EFR3A: variants seen among roughly 807,000 people sequenced by gnomAD.
The protein encoded by EFR3A is EFR3 homolog A, also known as protein EFR3 homolog A.
Under a neutral mutation model 104.4 loss-of-function variants are expected in EFR3A, and 76 were observed. That is an observed-to-expected ratio of 0.73 (90% CI 0.60 to 0.88). The LOEUF is 0.88. Ranked by LOEUF, EFR3A falls within the 40% of genes least tolerant of loss-of-function variation. The probability of loss-of-function intolerance (pLI) is 0.00; values close to 1 mark genes in which losing one functional copy is unlikely to be tolerated. For synonymous variants in EFR3A, 330 were observed against 330.0 expected (o/e 1.00, Z 0.00); for missense variants, 985 against 1,012.5 (o/e 0.97, Z 0.37).
chr8:131,997,463 A>G (rs575023040), intron 19 of EFR3A, among the ~76,000 whole-genome samples: 38 of 152,194 alleles, frequency 2.5e-4, no homozygotes, highest in Non-Finnish European at 4.7e-4. Flanking sequence ...ATGCCATTCA[A>G]CTTCCCATTA....
In EFR3A at chr8:131,984,064, A is replaced by G. The variant is rs188988690; in HGVS notation, c.1576-75A>G. 60 of 1,331,328 alleles carry G rather than the reference A, an allele frequency of 4.5e-5. 1 individual carries two copies. The Middle Eastern group carries it at 5.6e-4, about 12-fold the overall frequency. 82.5% of individuals were successfully genotyped at this position (1,331,328 alleles called of 1,614,324 possible). On this transcript the variant is annotated intron_variant, in intron 14 of 22. Coordinates refer to ENST00000254624, the MANE Select transcript of EFR3A (RefSeq NM_015137.6). ...ATATAATAACATAGCTACACTGTAAAAGTATATGCATGTGAAATCTGCCTT... is the reference window on the plus strand; with the variant it reads ...ATATAATAACATAGCTACACTGTAAGAGTATATGCATGTGAAATCTGCCTT...
intron 2 of EFR3A, among the ~76,000 whole-genome samples, chr8:131,942,764 C>G (rs1438265647): frequency 6.6e-6 from 1 of 151,936 alleles, no homozygotes; most frequent in Non-Finnish European, 1.5e-5. Context: ...GGGTGCAACA[C>G]AGTATTGGAG....
intron 1 of EFR3A, among the ~76,000 whole-genome samples, chr8:131,935,080 A>C (rs1431853373): frequency 6.6e-6 from 1 of 152,128 alleles, no homozygotes; most frequent in Admixed American, 6.5e-5. Context: ...GTCTCTTTTC[A>C]CCTTGATTAC....
At chr8:131,906,931 T>A (rs1420124042) in intron 1 of EFR3A, among the ~76,000 whole-genome samples, 1 of 152,254 alleles carries the variant, frequency 6.6e-6, no homozygotes. Flanking sequence ...TTTCAAACTC[T>A]GAATCGGAGT....
chr8:131,978,979 A>G lies in EFR3A; in HGVS notation c.1459A>G (p.Met487Val), dbSNP rs1325650298. The change falls in exon 13 of 23, where the codon ATG (methionine) becomes GTG (valine). Residue 487 changes from methionine (M) to valine (V), a missense_variant. By Grantham distance (21) the Met-to-Val change is conservative. Transcript: ENST00000254624. ...QLVLEVMHNL[M>V]DRHDNRAKLR... The stretch of plus-strand genomic sequence containing the variant: ...GGTCTTGGAAGTAATGCATAATCTC[A>G]TGGATCGTCATGACAATAGGGCAAA... 7.5e-6 allele frequency: 12 copies of G among 1,606,186 alleles called. No homozygotes were observed. Among genetic ancestry groups the G allele is most frequent in the South Asian group, 1.1e-5 (1 of 90,688 alleles).
At chr8:132,008,674 G>A (rs148548436) in intron 22 of EFR3A, among the ~76,000 whole-genome samples, 3 of 151,788 alleles carry the variant, frequency 2.0e-5, no homozygotes, top group East Asian at 1.9e-4. Flanking sequence ...GCATGTGGAT[G>A]TATGTGTATG....
chr8:131,964,164 G>A (rs1426564895), intron 8 of EFR3A, among the ~76,000 whole-genome samples: 1 of 151,678 alleles, frequency 6.6e-6, no homozygotes, highest in African/African-American at 2.4e-5. Context: ...ACTGGCACAA[G>A]ACAGGGATGC....
chr8:131,979,811 G>A (rs1321147460), intron 14 of EFR3A, among the ~76,000 whole-genome samples: 1 of 152,000 alleles, frequency 6.6e-6, no homozygotes, highest in East Asian at 1.9e-4. Context: ...GTGAGTTTTT[G>A]CTGTCTTATT....
At chr8:131,934,094 CT>C (rs1251163380) in intron 1 of EFR3A, among the ~76,000 whole-genome samples, 1 of 152,068 alleles carries the variant, frequency 6.6e-6, no homozygotes, top group African/African-American at 2.4e-5. Flanking sequence ...GATTAAAATC[CT>C]TTTAAAAGGA....
intron 1 of EFR3A, among the ~76,000 whole-genome samples, chr8:131,906,447 G>C (rs1366020003): frequency 1.3e-5 from 2 of 152,180 alleles, no homozygotes; most frequent in Non-Finnish European, 2.9e-5. Flanking sequence ...AAGGGTTGGA[G>C]GTGATCACTG....
intron 8 of EFR3A, among the ~76,000 whole-genome samples, chr8:131,967,125 GA>G (rs1819781986): frequency 6.6e-6 from 1 of 152,162 alleles, no homozygotes; most frequent in Non-Finnish European, 1.5e-5. Context: ...TCCTGGACAA[GA>G]AGTTCAGTTT....
intron 16 of EFR3A, 106 bp from the exon 17 acceptor site, chr8:131,986,088 A>G (rs1006146045): frequency 1.8e-5 from 9 of 490,650 alleles, no homozygotes; most frequent in Non-Finnish European, 3.2e-5. Context: ...GTTATTTCTT[A>G]TAAATGTTTA....
chr8:131,936,131 T>C (rs530410156), intron 1 of EFR3A, among the ~76,000 whole-genome samples: 1 of 152,212 alleles, frequency 6.6e-6, no homozygotes, highest in Admixed American at 6.5e-5. Context: ...TAATACCTCA[T>C]TATTGAAGGA....
intron 8 of EFR3A, among the ~76,000 whole-genome samples, chr8:131,965,201 C>T (rs1819632215): frequency 1.3e-5 from 2 of 151,950 alleles, no homozygotes; most frequent in African/African-American, 4.8e-5. Flanking sequence ...GCAACAAAAG[C>T]CACAATTGAC....
At chr8:131,921,945 A>G (rs1817054679) in intron 1 of EFR3A, among the ~76,000 whole-genome samples, 1 of 152,194 alleles carries the variant, frequency 6.6e-6, no homozygotes, top group Admixed American at 6.5e-5. Flanking sequence ...GTAACAAGGT[A>G]GCACAAACTG....
rs192773149 is a variant in EFR3A at position 132,000,299 on chromosome 8, T to G, written c.2158-1460T>G. 3.2e-4 allele frequency among the ~76,000 whole-genome samples: 48 copies of G among 152,192 alleles called. 1 individual carries two copies. In the East Asian group the frequency reaches 3.7e-3, roughly 12 times the overall value. ...GCCTGCCACCATGCCCAGCTAATTT[T>G]TTGTATTTTTAGTAGAGACGGGGTT... On this transcript the variant is annotated intron_variant, in intron 19 of 22. Transcript: ENST00000254624.
At position 131,904,217 on chromosome 8, in the gene EFR3A, C is replaced by G; in HGVS notation, c.-96C>G. 1 of 1,234,592 alleles carries G rather than the reference C, an allele frequency of 8.1e-7. No homozygotes were observed. Among genetic ancestry groups the G allele is most frequent in the Non-Finnish European group, 1.0e-6 (1 of 980,428 alleles). 76.5% of individuals were successfully genotyped at this position (1,234,592 alleles called of 1,614,324 possible). ...CCCTTCGCCCTTCGCCTCGTTCCGG[C>G]CTCCGCGGCCCAGCAACGGCCGTCA... is the stretch of plus-strand genomic sequence containing the variant. On this transcript the variant is annotated 5_prime_UTR_variant, in exon 1 of 23. Transcript: ENST00000254624.
At chr8:131,954,036 A>G in intron 6 of EFR3A, 69 bp downstream of exon 6, 1 of 1,364,400 alleles carries the variant, frequency 7.3e-7, no homozygotes, top group Non-Finnish European at 9.7e-7. Flanking sequence ...TTCCTAGGAT[A>G]AGAATGTTTT....
At chr8:131,953,794 C>A (rs902853864) in intron 5 of EFR3A, 24 bp from the exon 6 acceptor site, 1 of 1,458,396 alleles carries the variant, frequency 6.9e-7, no homozygotes, top group East Asian at 2.6e-5. Context: ...GGCTCATTTT[C>A]TTCCTTTTTT....
Sources: allele counts gnomAD v4.1 joint callset (sites outside exome capture counted in the v4.1 genomes callset), GRCh38; gene constraint gnomAD v4.1.1; transcripts MANE v1.5; gene names NCBI Gene and HGNC (gene_info 2026-07-23, HGNC 2026-07-21).